Variants in CHCHD3 observed in about 807,000 individuals in gnomAD.
CHCHD3 encodes the protein coiled-coil-helix-coiled-coil-helix domain containing 3, also known as MICOS complex subunit MIC19.
CHCHD3 carries 20 observed loss-of-function variants against 38.2 expected under a neutral mutation model. The ratio of observed to expected loss-of-function variants is 0.52; its 90% CI spans 0.37 to 0.76. CHCHD3 has a LOEUF of 0.76. CHCHD3 is among the 30% of genes least tolerant of loss of function. The pLI, the probability that CHCHD3 is intolerant of heterozygous loss-of-function variation, is 0.00. For synonymous variants in CHCHD3, 82 were observed against 100.0 expected (o/e 0.82, Z 1.07); for missense variants, 245 against 279.2 (o/e 0.88, Z 0.87).
chr7:133,003,095 T>C (rs1055968164), intron 3 of CHCHD3, among the ~76,000 whole-genome samples: 1 of 152,132 alleles, frequency 6.6e-6, no homozygotes, highest in Non-Finnish European at 1.5e-5. Context: ...TTATGAAAAA[T>C]AAATCCTGAA....
intron 3 of CHCHD3, among the ~76,000 whole-genome samples, chr7:133,000,703 T>C (rs2117390354): frequency 6.6e-6 from 1 of 152,328 alleles, no homozygotes; most frequent in African/African-American, 2.4e-5. Flanking sequence ...TCAGGCCGAA[T>C]TAATTTTAAC....
chr7:133,029,308 C>A (rs935806972), intron 2 of CHCHD3, among the ~76,000 whole-genome samples: 2 of 152,100 alleles, frequency 1.3e-5, no homozygotes, highest in Non-Finnish European at 2.9e-5. Context: ...AAAATTTGTT[C>A]TCTTATGAAA....
intron 3 of CHCHD3, among the ~76,000 whole-genome samples, chr7:132,984,917 C>T (rs907232902): frequency 1.1e-4 from 10 of 88,252 alleles, no homozygotes; most frequent in African/African-American, 1.3e-4. Flanking sequence ...CAGCCCCCCG[C>T]CCGGCCAGCC....
chr7:133,056,077 G>A (rs2117510375), intron 2 of CHCHD3, among the ~76,000 whole-genome samples: 1 of 152,038 alleles, frequency 6.6e-6, no homozygotes, highest in African/African-American at 2.4e-5. Flanking sequence ...GCACCCAGAA[G>A]GTCAAGGCTG....
At chr7:132,832,047 G>A (rs954625135) in intron 6 of CHCHD3, among the ~76,000 whole-genome samples, 3 of 151,942 alleles carry the variant, frequency 2.0e-5, no homozygotes, top group African/African-American at 7.3e-5. Flanking sequence ...TATTGCCAGT[G>A]AAAGTGCAAC....
At chr7:132,939,489 G>A (rs1810711019) in intron 4 of CHCHD3, among the ~76,000 whole-genome samples, 2 of 152,188 alleles carry the variant, frequency 1.3e-5, no homozygotes, top group Non-Finnish European at 2.9e-5. Flanking sequence ...ACACAGGTTT[G>A]TAGCCTAGGA....
chr7:132,843,397 G>A (rs139622798), intron 5 of CHCHD3, among the ~76,000 whole-genome samples: 1 of 152,254 alleles, frequency 6.6e-6, no homozygotes, highest in Non-Finnish European at 1.5e-5. Context: ...AGGGTTTCTA[G>A]AACAATGCGA....
At chr7:132,889,160 T>C (rs966594071) in intron 4 of CHCHD3, among the ~76,000 whole-genome samples, 1 of 152,032 alleles carries the variant, frequency 6.6e-6, no homozygotes, top group Admixed American at 6.6e-5. Flanking sequence ...ATTCAAAAAA[T>C]TTAACAACTT....
At position 132,885,768 on chromosome 7, in the gene CHCHD3, T is replaced by C. The variant is rs761365223; in HGVS notation, c.370-23A>G. On this transcript the variant is annotated intron_variant, in intron 4 of 7. Coordinates refer to ENST00000262570, the MANE Select transcript of CHCHD3 (RefSeq NM_017812.4). ...AGCCTAAAAAAAGAAATGAGGAATA[T>C]ACTATATCAAGAAAAAGCAGCAACA... 3.9e-6 allele frequency: 6 copies of C among 1,540,868 alleles called. No homozygotes were observed. The Admixed American group carries it at 8.1e-5, about 21-fold the overall frequency.
chr7:132,959,216 C>A (rs1340228142), intron 4 of CHCHD3, among the ~76,000 whole-genome samples: 1 of 152,200 alleles, frequency 6.6e-6, no homozygotes, highest in East Asian at 1.9e-4. Context: ...CCAAATGAGG[C>A]TATACTCACA....
At chr7:133,012,785 G>T (rs1445184131) in intron 3 of CHCHD3, among the ~76,000 whole-genome samples, 1 of 53,580 alleles carries the variant, frequency 1.9e-5, no homozygotes, top group Non-Finnish European at 3.7e-5. Flanking sequence ...AGAAAAGGAG[G>T]AGAGGGGAGG....
chr7:132,860,079 T>G (rs528745915), intron 5 of CHCHD3, among the ~76,000 whole-genome samples: 1 of 152,196 alleles, frequency 6.6e-6, no homozygotes, highest in Non-Finnish European at 1.5e-5. Flanking sequence ...AAGACCAGCC[T>G]AGGTAACATG....
intron 4 of CHCHD3, among the ~76,000 whole-genome samples, chr7:132,945,093 CTT>C (rs1562916689): frequency 6.6e-6 from 1 of 151,770 alleles, no homozygotes; most frequent in Non-Finnish European, 1.5e-5. Flanking sequence ...ACTTTTTTCT[CTT>C]GTCTAACGGC....
At chr7:132,986,431 A>G (rs980098375) in intron 3 of CHCHD3, among the ~76,000 whole-genome samples, 54 of 151,910 alleles carry the variant, frequency 3.6e-4, no homozygotes, top group East Asian at 1.7e-3. Flanking sequence ...AAAGAAAAAA[A>G]AAAAAAAAGA....
chr7:132,881,265 G>A (rs1178692660), intron 5 of CHCHD3, among the ~76,000 whole-genome samples: 2 of 152,084 alleles, frequency 1.3e-5, no homozygotes, highest in Non-Finnish European at 2.9e-5. Context: ...AAATACCTGG[G>A]TAGAGGGAGT....
Position 133,030,788 on chromosome 7 carries a change from G to C in CHCHD3, c.170-6161C>G, listed in dbSNP as rs79371912. ...TAAAGAACACAAACACTGGCATTTT[G>C]TCAATTAGTTATAGATATAAACACT... On this transcript the variant is annotated intron_variant, in intron 2 of 7. Transcript: ENST00000262570. Among the ~76,000 whole-genome samples the C allele has an allele frequency of 4.5e-3, 678 of 152,242 alleles. 10 individuals are homozygous for C. Among genetic ancestry groups the C allele is most frequent in the East Asian group, 0.032 (165 of 5,184 alleles).
chr7:132,812,800 G>GT (rs1465110457), intron 6 of CHCHD3, among the ~76,000 whole-genome samples: 1 of 152,154 alleles, frequency 6.6e-6, no homozygotes, highest in African/African-American at 2.4e-5. Flanking sequence ...CCTACAAGAT[G>GT]TAACCCCTGC....
At chr7:133,060,785 C>A (rs1335429816) in intron 2 of CHCHD3, among the ~76,000 whole-genome samples, 2 of 152,170 alleles carry the variant, frequency 1.3e-5, no homozygotes, top group Admixed American at 1.3e-4. Context: ...TGGCGGGAGC[C>A]TGTAATCCCA....
intron 3 of CHCHD3, among the ~76,000 whole-genome samples, chr7:133,020,435 A>G (rs1813147805): frequency 6.6e-6 from 1 of 152,192 alleles, no homozygotes; most frequent in Admixed American, 6.5e-5. Context: ...AATGGAATCT[A>G]AAAGCATGTG....
Sources: gnomAD v4.1 joint callset for allele counts (sites outside exome capture counted in the v4.1 genomes callset) on GRCh38, gnomAD v4.1.1 for gene constraint, MANE v1.5 for transcripts, NCBI Gene and HGNC (gene_info 2026-07-23, HGNC 2026-07-21) for gene names.